Variants in MARK3 observed in about 807,000 individuals in gnomAD.
MARK3 encodes the protein MAP/microtubule affinity-regulating kinase 3.
Under a neutral mutation model 90.1 loss-of-function variants are expected in MARK3, and 46 were observed. That is an observed-to-expected ratio of 0.51 (90% CI 0.40 to 0.65). The LOEUF is 0.65. Among genes scored for constraint, MARK3 ranks in the 30% least tolerant of loss-of-function variants. The pLI, the probability that MARK3 is intolerant of heterozygous loss-of-function variation, is 0.00. For missense variants in MARK3, 818 were observed against 947.2 expected (o/e 0.86, Z 1.79); for synonymous variants, 321 against 332.6 (o/e 0.97, Z 0.38).
In MARK3 at chr14:103,385,871, CCAG is replaced by C. The variant is rs2089744656; in HGVS notation, c.-158_-156del. 1.7e-6 allele frequency: 1 copy of C among 597,900 alleles called. No homozygotes were observed. The highest frequency in any genetic ancestry group is 3.0e-6 in the Non-Finnish European group (1 of 336,018). The allele number at this position is 597,900 out of a possible 1,614,324, so 37.0% of individuals were successfully genotyped here. On this transcript the variant is annotated 5_prime_UTR_variant, in exon 1 of 18. Coordinates refer to ENST00000429436, the MANE Select transcript of MARK3 (RefSeq NM_001128918.3). ...GGGACCCGCCGGGGGACGGCCCGGG[CCAG>C]GCCCGGGATCTAGACGGCCGTAGGG...
intron 3 of MARK3, among the ~76,000 whole-genome samples, chr14:103,443,787 A>G (rs1283782625): frequency 1.3e-5 from 2 of 152,162 alleles, no homozygotes; most frequent in Non-Finnish European, 2.9e-5. Context: ...TTTTACACAA[A>G]TGCATTTTCT....
chr14:103,397,011 G>C (rs1158496935), intron 1 of MARK3, among the ~76,000 whole-genome samples: 1 of 151,806 alleles, frequency 6.6e-6, no homozygotes, highest in African/African-American at 2.4e-5. Context: ...AATATTGGGG[G>C]GTATATTGAG....
At chr14:103,412,090 A>G (rs1160292664) in intron 2 of MARK3, 9 of 630,388 alleles carry the variant, frequency 1.4e-5, no homozygotes, top group African/African-American at 3.8e-5. Flanking sequence ...TTTTTTTACT[A>G]GTAGCAGTAG....
Position 103,481,236 on chromosome 14 carries a change from G to A in MARK3, c.1586+746G>A, listed in dbSNP as rs564694108. Among the ~76,000 whole-genome samples, 47 of 152,302 alleles carry A rather than the reference G, an allele frequency of 3.1e-4. 2 individuals are homozygous for A. In the South Asian group the frequency reaches 9.3e-3, roughly 30 times the overall value. ...AGATTGGTAGAGAATAGCTAAATATGCTATATTCTGTTCAGAACAAATTTC... is the reference window on the plus strand; with the variant it reads ...AGATTGGTAGAGAATAGCTAAATATACTATATTCTGTTCAGAACAAATTTC... On this transcript the variant is annotated intron_variant, in intron 14 of 17. Transcript: ENST00000429436.
chr14:103,492,301 ATCTG>A (rs2094030330), intron 15 of MARK3, among the ~76,000 whole-genome samples: 1 of 152,098 alleles, frequency 6.6e-6, no homozygotes, highest in Non-Finnish European at 1.5e-5. Context: ...TTGCTCACGT[ATCTG>A]TCTGCATGGC....
intron 1 of MARK3, among the ~76,000 whole-genome samples, chr14:103,395,080 A>G (rs1428718571): frequency 6.6e-6 from 1 of 152,170 alleles, no homozygotes; most frequent in African/African-American, 2.4e-5. Context: ...GCGCCTGGCC[A>G]CAATCTTACA....
At chr14:103,392,461 G>T (rs2090317848) in intron 1 of MARK3, among the ~76,000 whole-genome samples, 1 of 152,114 alleles carries the variant, frequency 6.6e-6, no homozygotes, top group Non-Finnish European at 1.5e-5. Flanking sequence ...AAGTTGCCAG[G>T]TGATGTTGAT....
intron 4 of MARK3, among the ~76,000 whole-genome samples, chr14:103,450,876 G>GT (rs1491568906): frequency 7.0e-3 from 6 of 860 alleles, no homozygotes; most frequent in African/African-American, 9.6e-3. Flanking sequence ...CATTTTTAAA[G>GT]TGTGTGTGTG....
intron 13 of MARK3, among the ~76,000 whole-genome samples, chr14:103,478,633 G>A (rs943507522): frequency 9.9e-5 from 15 of 151,782 alleles, no homozygotes; most frequent in Non-Finnish European, 1.6e-4. Context: ...TCCACCTCCC[G>A]GGTTCAAGCG....
chr14:103,491,520 A>G, intron 14 of MARK3: 1 of 414,270 alleles, frequency 2.4e-6, no homozygotes. Context: ...CTGTCCTAGA[A>G]TTTCCCTGCA....
At chr14:103,422,981 G>A (rs891036044) in intron 2 of MARK3, among the ~76,000 whole-genome samples, 5 of 152,132 alleles carry the variant, frequency 3.3e-5, no homozygotes, top group Non-Finnish European at 7.4e-5. Context: ...TAGGGTTAGT[G>A]TTATTACATG....
chr14:103,502,982 G>A lies in MARK3; in HGVS notation c.2017G>A (p.Gly673Arg), dbSNP rs1273492258. ...SMKTTSSMDP[G>R]DMMREIRKVL... ...GAAAACCACTAGTTCAATGGATCCC[G>A]GGGACATGATGCGGGAAATCCGCAA... The change falls in exon 18 of 18, where the codon GGG becomes AGG. Residue 673 changes from glycine (G) to arginine (R), a missense_variant. This residue lies in a region of MARK3 where 560 missense variants were observed against 613.5 expected (regional missense o/e 0.91). Transcript: ENST00000429436. 3.1e-6 allele frequency: 5 copies of A among 1,614,098 alleles called. No individual in the cohort carries two copies. The highest frequency in any genetic ancestry group is 1.1e-5 in the South Asian group (1 of 91,082).
At chr14:103,434,493 G>C (rs2092668183) in intron 3 of MARK3, among the ~76,000 whole-genome samples, 2 of 152,184 alleles carry the variant, frequency 1.3e-5, no homozygotes, top group African/African-American at 4.8e-5. Context: ...CAAAAGCATT[G>C]TTATGAAGTC....
intron 2 of MARK3, among the ~76,000 whole-genome samples, chr14:103,406,396 T>TA (rs1356407539): frequency 3.6e-3 from 522 of 146,786 alleles, no homozygotes; most frequent in Middle Eastern, 7.4e-3. Context: ...GGCTAATTAT[T>TA]TTTTTTTTTT....
chr14:103,457,116 C>T (rs1039027225), intron 5 of MARK3, 26 bp from the exon 6 acceptor site: 3 of 1,425,930 alleles, frequency 2.1e-6, no homozygotes, highest in Admixed American at 1.8e-5. Flanking sequence ...AGGATTTCTA[C>T]TTACTTTTAT....
At chr14:103,435,575 A>AT (rs1445940395) in intron 3 of MARK3, among the ~76,000 whole-genome samples, 4 of 151,138 alleles carry the variant, frequency 2.6e-5, no homozygotes, top group Non-Finnish European at 4.4e-5. Context: ...CGCCCGGCTA[A>AT]TTTTTTGTAT....
At chr14:103,447,585 T>C (rs1436247299) in intron 3 of MARK3, among the ~76,000 whole-genome samples, 1 of 152,210 alleles carries the variant, frequency 6.6e-6, no homozygotes, top group Non-Finnish European at 1.5e-5. Context: ...CTTTTCCTGG[T>C]TTCCTCTTGT....
intron 4 of MARK3, among the ~76,000 whole-genome samples, chr14:103,451,220 A>G (rs1342382722): frequency 6.6e-6 from 1 of 152,102 alleles, no homozygotes; most frequent in Non-Finnish European, 1.5e-5. Flanking sequence ...GGTGTGAGCC[A>G]CCATACTCAG....
intron 2 of MARK3, among the ~76,000 whole-genome samples, chr14:103,416,186 A>C (rs1312412685): frequency 1.3e-5 from 2 of 152,224 alleles, no homozygotes; most frequent in African/African-American, 4.8e-5. Flanking sequence ...AATATTTTGC[A>C]GTACTCACAC....
Sources: allele counts gnomAD v4.1 joint callset (sites outside exome capture counted in the v4.1 genomes callset), GRCh38; gene constraint gnomAD v4.1.1; regional missense constraint gnomAD v4.1.1; transcripts MANE v1.5; gene names NCBI Gene and HGNC (gene_info 2026-07-23, HGNC 2026-07-21).